TET3: variants seen among roughly 807,000 people sequenced by gnomAD.
TET3 encodes methylcytosine dioxygenase TET3.
A neutral mutation model predicts 141.4 loss-of-function variants in TET3; 19 were observed. The ratio of observed to expected loss-of-function variants is 0.13; its 90% CI spans 0.09 to 0.20. The LOEUF is 0.20. TET3 is among the 10% of genes least tolerant of loss of function. The probability of loss-of-function intolerance (pLI) is 1.00; values close to 1 mark genes in which losing one functional copy is unlikely to be tolerated. For missense variants in TET3, 1,874 were observed against 2,356.9 expected (o/e 0.80, Z 4.24); for synonymous variants, 1,043 against 980.9 (o/e 1.06, Z -1.18).
At chr2:74,002,692 G>T (rs991056211) in intron 2 of TET3, 8 of 425,336 alleles carry the variant, frequency 1.9e-5, no homozygotes, top group Non-Finnish European at 3.3e-5. Context: ...GGAGGGGAGC[G>T]CAGCCGGCAG....
At chr2:74,038,327 T>C (rs1243198493) in intron 3 of TET3, among the ~76,000 whole-genome samples, 1 of 152,180 alleles carries the variant, frequency 6.6e-6, no homozygotes, top group African/African-American at 2.4e-5. Flanking sequence ...CTCAGTCTCC[T>C]AGTAACAAAT....
At chr2:74,123,095 G>A in the TET3 span, 2 of 152,164 alleles carry the variant, frequency 1.3e-5, no homozygotes, top group Non-Finnish European at 2.9e-5. Context: ...AATAGTTGAA[G>A]CAAAAATATT....
upstream of TET3, among the ~76,000 whole-genome samples, chr2:73,984,555 C>A (rs1366133829): frequency 2.6e-5 from 4 of 151,988 alleles, no homozygotes; most frequent in African/African-American, 9.7e-5. The surrounding 1 kb of genome is among the most constrained non-coding windows in gnomAD (Gnocchi z 5.6). Flanking sequence ...CCGAGCGAGG[C>A]TCGGCCGAGG....
At chr2:74,119,530 C>T in the TET3 span, among the ~76,000 whole-genome samples, 1 of 152,130 alleles carries the variant, frequency 6.6e-6, no homozygotes, top group Admixed American at 6.5e-5. Flanking sequence ...GGCACACAGT[C>T]TCAGTTTGTC....
rs114796585 is a variant in TET3, at chr2:74,040,393, C to G, written c.361-5885C>G. ...AAAGGGAGGAGATAAAATTGAGAGA[C>G]AGTTCACATTTAGAATTGTTTGGAT... On this transcript the variant is annotated intron_variant, in intron 3 of 11. Transcript: ENST00000409262. 5.5e-3 allele frequency among the ~76,000 whole-genome samples: 844 copies of G among 152,254 alleles called. 8 individuals are homozygous for G. Among genetic ancestry groups the G allele is most frequent in the African/African-American group, 0.019 (807 of 41,524 alleles).
intron 3 of TET3, among the ~76,000 whole-genome samples, chr2:74,028,690 A>G (rs1377772352): frequency 1.3e-5 from 2 of 152,228 alleles, no homozygotes; most frequent in Admixed American, 6.5e-5. Flanking sequence ...TAACATTTAC[A>G]TGATGTACAT....
intron 10 of TET3, among the ~76,000 whole-genome samples, chr2:74,097,195 GCA>G (rs146612512): frequency 0.023 from 3,106 of 137,884 alleles, 64 homozygotes; most frequent in African/African-American, 0.061. Flanking sequence ...AGCCATACAT[GCA>G]CACACACACA....
rs1683927165 is a variant in TET3, at chr2:73,985,037, G to A, written c.-545G>A. 1 of 146,640 alleles carries A rather than the reference G, an allele frequency of 6.8e-6. No individual in the cohort carries two copies. Among genetic ancestry groups the A allele is most frequent in the South Asian group, 1.8e-4 (1 of 5,636 alleles). 9.1% of individuals were successfully genotyped at this position (146,640 alleles called of 1,614,324 possible). On this transcript the variant is annotated 5_prime_UTR_variant, in exon 1 of 12. Coordinates refer to ENST00000409262, the MANE Select transcript of TET3 (RefSeq NM_001287491.2). The stretch of plus-strand genomic sequence containing the variant: ...CCGCGCGCTGAGCTCGGTCGGGCCG[G>A]GCGCTCCGGGAGGCGGGAGCCCCAG...
At chr2:74,017,462 G>T (rs1222431875) in intron 3 of TET3, among the ~76,000 whole-genome samples, 3 of 152,096 alleles carry the variant, frequency 2.0e-5, no homozygotes, top group Admixed American at 2.0e-4. Flanking sequence ...ACTTTTTTTA[G>T]CTTCCACATT....
chr2:74,002,694 A>C (rs999422078), intron 2 of TET3: 2 of 426,964 alleles, frequency 4.7e-6, no homozygotes, highest in African/African-American at 4.1e-5. Context: ...AGGGGAGCGC[A>C]GCCGGCAGCT....
rs1457085728 is a variant in TET3, at chr2:74,093,675, G to A, written c.3267+9G>A. 1 of 1,591,818 alleles carries A rather than the reference G, an allele frequency of 6.3e-7. No homozygotes were observed. The highest frequency in any genetic ancestry group is 1.3e-5 in the African/African-American group (1 of 74,254). On this transcript the variant is annotated intron_variant, in intron 10 of 11. Transcript: ENST00000409262. The surrounding 1 kb of genome is among the most constrained non-coding windows in gnomAD (Gnocchi z 4.2). ...ACAATGGGTGCACCGTGGTAAGCCTGTGCCCTGTCATAGCCCCACCTGTGG... is the reference window on the plus strand; with the variant it reads ...ACAATGGGTGCACCGTGGTAAGCCTATGCCCTGTCATAGCCCCACCTGTGG...
intron 4 of TET3, among the ~76,000 whole-genome samples, chr2:74,053,231 C>T: frequency 6.7e-6 from 1 of 148,948 alleles, no homozygotes; most frequent in Non-Finnish European, 1.5e-5. Context: ...TTTAAAAATA[C>T]TCATTGGAGA....
rs749694308 is a variant in TET3, at chr2:74,100,831, A to G, written c.4043A>G (p.Asp1348Gly). 6.2e-7 allele frequency: 1 copy of G among 1,611,834 alleles called. No homozygotes were observed. Among genetic ancestry groups the G allele is most frequent in the South Asian group, 1.1e-5 (1 of 90,660 alleles). ...CTGCCCAGCCAGGCTGTTCCCACAG[A>G]CGCCCACCACCCCACTCCTCACCAC... ...AELPSQAVPT[D>G]AHHPTPHHQQ... The change falls in exon 12 of 12, where the codon GAC becomes GGC. Residue 1348 changes from aspartate to glycine, a missense_variant. This residue lies in a region of TET3 where 602 missense variants were observed against 590.2 expected (regional missense o/e 1.02). Transcript: ENST00000409262.
rs1341361104 is a variant in TET3, at chr2:74,103,916, AATC to A, written c.*1743_*1745del. 1 of 153,676 alleles carries A rather than the reference AATC, an allele frequency of 6.5e-6. No individual in the cohort carries two copies. Among genetic ancestry groups the A allele is most frequent in the Non-Finnish European group, 1.5e-5 (1 of 68,034 alleles). 9.5% of individuals were successfully genotyped at this position (153,676 alleles called of 1,614,324 possible). On this transcript the variant is annotated 3_prime_UTR_variant, in exon 12 of 12. Coordinates refer to ENST00000409262, the MANE Select transcript of TET3 (RefSeq NM_001287491.2). ...TTGTATTCAGATATGGGTCTTCATG[AATC>A]ATGTTTAACAATCAGATGACCGCTA...
rs1470479391 is a variant in TET3 at position 74,046,801 on chromosome 2, T to C, written c.884T>C (p.Met295Thr). 1 of 1,613,140 alleles carries C rather than the reference T, an allele frequency of 6.2e-7. No individual in the cohort carries two copies. Among genetic ancestry groups the C allele is most frequent in the African/African-American group, 1.3e-5 (1 of 74,878 alleles). Residue 295 changes from methionine (M) to threonine (T), a missense_variant, in exon 4 of 12, where the codon ATG becomes ACG. By Grantham distance (81) the Met-to-Thr change is moderately conservative. Around this residue, in one of 10 missense-constraint regions of TET3, gnomAD observed 366 missense variants for 487.0 expected, o/e 0.75. Transcript: ENST00000409262. The surrounding 1 kb of genome is among the most constrained non-coding windows in gnomAD (Gnocchi z 4.3). ...WLEGKIKSVV[M>T]EGGEERPRLP... ...GAGGGGAAGATCAAGTCTGTGGTCA[T>C]GGAAGGAGGGGAGGAGCGGCCCAGG...
At chr2:73,985,572 C>G (rs1346447312) in intron 1 of TET3, among the ~76,000 whole-genome samples, 3 of 149,696 alleles carry the variant, frequency 2.0e-5, no homozygotes, top group Admixed American at 1.3e-4. Context: ...AGGCGGCTTC[C>G]GTGCCGGGGG....
chr2:73,993,101 T>C (rs941074948), intron 2 of TET3: 2 of 152,218 alleles, frequency 1.3e-5, no homozygotes, highest in South Asian at 4.1e-4. Context: ...ACATGGTGCC[T>C]GGGCCCCACT....
chr2:73,989,129 T>G (rs1684201276), intron 2 of TET3, among the ~76,000 whole-genome samples: 1 of 150,834 alleles, frequency 6.6e-6, no homozygotes, highest in Admixed American at 6.6e-5. Context: ...ACTGCCAGGG[T>G]GGATGAGACC....
chr2:74,055,782 G>T (rs1477933778), intron 4 of TET3, among the ~76,000 whole-genome samples: 1 of 152,130 alleles, frequency 6.6e-6, no homozygotes, highest in Non-Finnish European at 1.5e-5. Context: ...ATGGGTTAAT[G>T]GATTAACAGG....
Sources: allele counts gnomAD v4.1 joint callset (sites outside exome capture counted in the v4.1 genomes callset), GRCh38; gene constraint gnomAD v4.1.1; regional missense constraint gnomAD v4.1.1; non-coding constraint Gnocchi (gnomAD v3.1); transcripts MANE v1.5; gene names NCBI Gene and HGNC (gene_info 2026-07-23, HGNC 2026-07-21).